MED27: variants seen among roughly 807,000 people sequenced by gnomAD.
MED27 encodes the protein mediator complex subunit 27.
MED27 carries 30 observed loss-of-function variants against 38.2 expected under a neutral mutation model. The observed-to-expected ratio is 0.79, with a 90% CI of 0.59 to 1.07. MED27 has a LOEUF of 1.07. MED27 is among the 50% of genes least tolerant of loss of function. The pLI, the probability that MED27 is intolerant of heterozygous loss-of-function variation, is 0.00. For missense variants in MED27, 289 were observed against 397.5 expected, an observed-to-expected ratio of 0.73 and a Z score of 2.32; for synonymous variants, 122 against 153.5, an observed-to-expected ratio of 0.79 and a Z score of 1.52.
At chr9:131,898,744 C>T (rs978647596) in intron 4 of MED27, among the ~76,000 whole-genome samples, 20 of 151,936 alleles carry the variant, frequency 1.3e-4, no homozygotes, top group Non-Finnish European at 2.5e-4. Context: ...GCCACCACGC[C>T]CGGCTAATTT....
intron 6 of MED27, among the ~76,000 whole-genome samples, chr9:131,870,389 T>C (rs1676658634): frequency 6.6e-6 from 1 of 152,190 alleles, no homozygotes; most frequent in African/African-American, 2.4e-5. Flanking sequence ...GTACGACGCA[T>C]GGCAAGCGCC....
Position 131,872,826 on chromosome 9 carries a change from C to A in MED27, c.724-9686G>T, listed in dbSNP as rs1205422909. On this transcript the variant is annotated intron_variant, in intron 6 of 7. Transcript: ENST00000292035. The surrounding 1 kb of genome is among the most constrained non-coding windows in gnomAD (Gnocchi z 5.6). ...CCCACCTGCTGCCCTGATGCGATGGCACCCTCAGGTGGGCCTCAGATTCCA... is the reference window on the plus strand; with the variant it reads ...CCCACCTGCTGCCCTGATGCGATGGAACCCTCAGGTGGGCCTCAGATTCCA... Among the ~76,000 whole-genome samples, 2 of 152,232 alleles carry A rather than the reference C, an allele frequency of 1.3e-5. No homozygotes were observed. The highest frequency in any genetic ancestry group is 3.8e-4 in the East Asian group (2 of 5,202).
chr9:131,888,433 G>A (rs1015980946), intron 5 of MED27, among the ~76,000 whole-genome samples: 10 of 152,200 alleles, frequency 6.6e-5, no homozygotes, highest in African/African-American at 2.2e-4. Flanking sequence ...AGGATGCCGG[G>A]GCTGCGCGCT....
intron 6 of MED27, chr9:131,869,122 T>G (rs1838784803): frequency 2.0e-6 from 2 of 985,314 alleles, no homozygotes; most frequent in African/African-American, 3.5e-5. Flanking sequence ...CTTGATTTCT[T>G]CAATTTCCCA....
chr9:131,864,169 A>G (rs758371717), intron 6 of MED27, among the ~76,000 whole-genome samples: 1 of 152,200 alleles, frequency 6.6e-6, no homozygotes, highest in South Asian at 2.1e-4. Context: ...GATTCTTGAC[A>G]TCGCACATGT....
intron 5 of MED27, among the ~76,000 whole-genome samples, chr9:131,888,196 G>A (rs1030965472): frequency 2.6e-5 from 4 of 152,162 alleles, no homozygotes; most frequent in Admixed American, 6.5e-5. Flanking sequence ...TGACGCATTC[G>A]GCCTGCCCTT....
intron 2 of MED27, among the ~76,000 whole-genome samples, chr9:132,019,388 C>T (rs1185954649): frequency 2.0e-5 from 3 of 152,178 alleles, no homozygotes; most frequent in Non-Finnish European, 4.4e-5. Context: ...TGGCTGGCCT[C>T]TTACGAAAGC....
At chr9:131,903,551 T>C (rs991783526) in intron 4 of MED27, among the ~76,000 whole-genome samples, 6 of 152,154 alleles carry the variant, frequency 3.9e-5, no homozygotes, top group African/African-American at 1.4e-4. Flanking sequence ...TTCTGCCATG[T>C]ACAGAGCAGA....
intron 2 of MED27, among the ~76,000 whole-genome samples, chr9:132,068,995 A>G (rs146653458): frequency 1.1e-4 from 17 of 152,216 alleles, no homozygotes; most frequent in Non-Finnish European, 1.9e-4. Context: ...ATGTAATGAT[A>G]TGCTTCCTTC....
At chr9:132,056,959 G>C (rs982984533) in intron 2 of MED27, among the ~76,000 whole-genome samples, 2 of 152,206 alleles carry the variant, frequency 1.3e-5, no homozygotes, top group South Asian at 4.1e-4. Context: ...CCCATCTGCA[G>C]ACAGCAAAGC....
In MED27 at chr9:132,047,414, T is replaced by A. The variant is rs139363839; in HGVS notation, c.348+30028A>T. Among the ~76,000 whole-genome samples, 838 of 149,844 alleles carry A rather than the reference T, an allele frequency of 5.6e-3. 4 individuals are homozygous for A. The highest frequency in any genetic ancestry group is 0.029 in the South Asian group (135 of 4,696). Reference sequence around the variant, plus strand: ...TTAAGGCCAAACTGCTTGGCAATTTTAAAATGCTTCATTTCATAATGTTTT... The same window carrying A: ...TTAAGGCCAAACTGCTTGGCAATTTAAAAATGCTTCATTTCATAATGTTTT... On this transcript the variant is annotated intron_variant, in intron 2 of 7. Transcript: ENST00000292035.
chr9:132,047,621 A>G (rs961409328), intron 2 of MED27, among the ~76,000 whole-genome samples: 2 of 152,188 alleles, frequency 1.3e-5, no homozygotes, highest in African/African-American at 4.8e-5. Context: ...AATACTCCTA[A>G]GCAAAAGATA....
intron 3 of MED27, among the ~76,000 whole-genome samples, chr9:132,000,175 C>T (rs1231115595): frequency 6.6e-6 from 1 of 150,674 alleles, no homozygotes; most frequent in Non-Finnish European, 1.5e-5. Flanking sequence ...TCAGAATTTC[C>T]CTTCATGGAA....
rs560645759 is a variant in MED27 at position 131,939,706 on chromosome 9, C to T, written c.480-232G>A. ...TTAAGGCATGACTATTAATCTTCTTCTATAGGAGGTCAGAATTTAGCTGTG... is the reference window on the plus strand; with the variant it reads ...TTAAGGCATGACTATTAATCTTCTTTTATAGGAGGTCAGAATTTAGCTGTG... On this transcript the variant is annotated intron_variant, in intron 3 of 7. Coordinates refer to ENST00000292035, the MANE Select transcript of MED27 (RefSeq NM_004269.4). 5.3e-5 allele frequency among the ~76,000 whole-genome samples: 8 copies of T among 152,180 alleles called. No individual in the cohort carries two copies. In the South Asian group the frequency reaches 1.7e-3, roughly 32 times the overall value.
In MED27 at chr9:132,051,921, A is replaced by G. The variant is rs865794895; in HGVS notation, c.348+25521T>C. Among the ~76,000 whole-genome samples the G allele has an allele frequency of 7.2e-5, 11 of 152,376 alleles. No homozygotes were observed. Among genetic ancestry groups the G allele is most frequent in the Middle Eastern group, 3.4e-3 (1 of 294 alleles). Reference sequence around the variant, plus strand: ...TCCTTGCCATTTTAACTACGATGAGAAAGTTTAGCTTATAATAGTTGATCA... The same window carrying G: ...TCCTTGCCATTTTAACTACGATGAGGAAGTTTAGCTTATAATAGTTGATCA... On this transcript the variant is annotated intron_variant, in intron 2 of 7. Coordinates refer to ENST00000292035, the MANE Select transcript of MED27 (RefSeq NM_004269.4). The surrounding 1 kb of genome is among the most constrained non-coding windows in gnomAD (Gnocchi z 4.2).
At chr9:131,925,713 G>A (rs187084443) in intron 4 of MED27, among the ~76,000 whole-genome samples, 2 of 152,286 alleles carry the variant, frequency 1.3e-5, no homozygotes, top group Admixed American at 1.3e-4. Flanking sequence ...ATATATATAT[G>A]GTGAAGCATC....
At chr9:132,073,789 C>A in intron 2 of MED27, 1 of 1,497,512 alleles carries the variant, frequency 6.7e-7, no homozygotes, top group Non-Finnish European at 8.8e-7. Flanking sequence ...AAGGTAGCAG[C>A]AGCACCTCGC....
chr9:132,019,689 CAGG>C (rs1434651418), intron 2 of MED27, among the ~76,000 whole-genome samples: 1 of 152,240 alleles, frequency 6.6e-6, no homozygotes, highest in Non-Finnish European at 1.5e-5. Context: ...ACACCATTCG[CAGG>C]AGGACGGTGG....
At chr9:131,866,452 G>A (rs867021223) in intron 6 of MED27, among the ~76,000 whole-genome samples, 2 of 152,112 alleles carry the variant, frequency 1.3e-5, no homozygotes, top group Non-Finnish European at 2.9e-5. Context: ...CTGCCCTGTC[G>A]CCTCTCTTCC....
Sources: allele counts gnomAD v4.1 joint callset (sites outside exome capture counted in the v4.1 genomes callset), GRCh38; gene constraint gnomAD v4.1.1; non-coding constraint Gnocchi (gnomAD v3.1); transcripts MANE v1.5; gene names NCBI Gene and HGNC (gene_info 2026-07-23, HGNC 2026-07-21).